The following HS6ST2 variants were observed in gnomAD, a reference collection of about 807,000 sequenced individuals.
HS6ST2 encodes the protein heparan-sulfate 6-O-sulfotransferase 2.
Under a neutral mutation model 33.0 loss-of-function variants are expected in HS6ST2, and 17 were observed. The ratio of observed to expected loss-of-function variants is 0.52; its 90% CI spans 0.35 to 0.77. HS6ST2 has a LOEUF of 0.77. Among genes scored for constraint, HS6ST2 ranks in the 30% least tolerant of loss-of-function variants. HS6ST2 has a pLI of 0.01. For missense variants in HS6ST2, 519 were observed against 551.7 expected, an observed-to-expected ratio of 0.94 and a Z score of 0.59; for synonymous variants, 248 against 237.1, an observed-to-expected ratio of 1.05 and a Z score of -0.42.
At chrX:132,686,719 T>C (rs1422012201) in intron 3 of HS6ST2, among the ~76,000 whole-genome samples, 1 of 110,864 alleles carries the variant, frequency 9.0e-6, no homozygotes, top group Non-Finnish European at 1.9e-5. Context: ...CTTCACAGAG[T>C]CATGATGCTT....
At chrX:132,891,376 T>A (rs1380618237) in intron 2 of HS6ST2, among the ~76,000 whole-genome samples, 1 of 88,531 alleles carries the variant, frequency 1.1e-5, no homozygotes, top group Non-Finnish European at 2.3e-5. Flanking sequence ...CAAAAGTTTT[T>A]TTTATTTTTT....
chrX:132,758,955 T>C (rs2064782026), intron 2 of HS6ST2, among the ~76,000 whole-genome samples: 1 of 111,534 alleles, frequency 9.0e-6, no homozygotes, highest in Non-Finnish European at 1.9e-5. Context: ...TCCACTGTAT[T>C]TGAGTGCTGA....
chrX:132,872,705 A>G (rs763331734), intron 2 of HS6ST2, among the ~76,000 whole-genome samples: 67 of 112,061 alleles, frequency 6.0e-4, no homozygotes, highest in Admixed American at 3.1e-3. Context: ...CTGACTCCTT[A>G]TCCCTTTGGG....
At chrX:132,758,493 C>T (rs1050730999) in intron 2 of HS6ST2, among the ~76,000 whole-genome samples, 1 of 112,236 alleles carries the variant, frequency 8.9e-6, no homozygotes, top group Non-Finnish European at 1.9e-5. Context: ...TCTCTACTCA[C>T]TTTTCTGGTC....
intron 4 of HS6ST2, among the ~76,000 whole-genome samples, chrX:132,637,955 T>C (rs2063574396): frequency 1.4e-5 from 1 of 69,669 alleles, no homozygotes; most frequent in Non-Finnish European, 2.6e-5. Flanking sequence ...ATATATAATA[T>C]ATATAAAATA....
At chrX:132,878,533 T>C (rs1249325912) in intron 2 of HS6ST2, among the ~76,000 whole-genome samples, 2 of 111,980 alleles carry the variant, frequency 1.8e-5, no homozygotes, top group African/African-American at 6.5e-5. Flanking sequence ...TCATGTTCAA[T>C]GTGAATTCTA....
chrX:132,825,285 G>T (rs755025654), intron 2 of HS6ST2, among the ~76,000 whole-genome samples: 20 of 111,851 alleles, frequency 1.8e-4, no homozygotes, highest in Non-Finnish European at 3.6e-4. Flanking sequence ...GGAACACTGG[G>T]TTGTAAAGAC....
intron 2 of HS6ST2, among the ~76,000 whole-genome samples, chrX:132,776,146 A>G (rs1271696942): frequency 8.9e-6 from 1 of 112,085 alleles, no homozygotes; most frequent in Non-Finnish European, 1.9e-5. Flanking sequence ...ATACATTGCC[A>G]TATTATTGGA....
chrX:132,772,142 C>T (rs1354527282), intron 2 of HS6ST2, among the ~76,000 whole-genome samples: 1 of 111,581 alleles, frequency 9.0e-6, no homozygotes. Context: ...ATTACAGATG[C>T]ATAAAATTCA....
intron 2 of HS6ST2, among the ~76,000 whole-genome samples, chrX:132,909,038 T>C (rs1356512932): frequency 9.5e-6 from 1 of 105,429 alleles, no homozygotes; most frequent in Admixed American, 1.0e-4. Flanking sequence ...AAGCCCAGGT[T>C]TGGGATTAGG....
intron 2 of HS6ST2, among the ~76,000 whole-genome samples, chrX:132,819,757 G>A (rs750267615): frequency 8.9e-6 from 1 of 111,993 alleles, no homozygotes; most frequent in African/African-American, 3.2e-5. Flanking sequence ...TGACAAAAAA[G>A]TGAACTTGCA....
Position 132,678,075 on chromosome X carries a change from T to C in HS6ST2, c.981-8876A>G, listed in dbSNP as rs546702120. On this transcript the variant is annotated intron_variant, in intron 3 of 4. Coordinates refer to ENST00000370833, the MANE Select transcript of HS6ST2 (RefSeq NM_001394073.1). ...TCTATACCTAAAAGTGCATCTGGGCTAGGTGTGGTGGCTCATGTTTGTAAT... is the reference window on the plus strand; with the variant it reads ...TCTATACCTAAAAGTGCATCTGGGCCAGGTGTGGTGGCTCATGTTTGTAAT... Among the ~76,000 whole-genome samples the C allele has an allele frequency of 4.5e-5, 5 of 112,051 alleles. No individual in the cohort carries two copies. The East Asian group carries it at 1.1e-3, about 25-fold the overall frequency.
chrX:132,767,884 A>G (rs762831172), intron 2 of HS6ST2, among the ~76,000 whole-genome samples: 1 of 111,669 alleles, frequency 9.0e-6, no homozygotes, highest in Non-Finnish European at 1.9e-5. Flanking sequence ...ATAATTCCTA[A>G]GCAGGAGGGC....
chrX:132,695,342 A>G (rs984577907), intron 3 of HS6ST2, among the ~76,000 whole-genome samples: 1 of 111,979 alleles, frequency 8.9e-6, no homozygotes, highest in Admixed American at 9.5e-5. Flanking sequence ...ATCTTTCTCT[A>G]AGGAAACACA....
chrX:132,725,248 A>G (rs1018815819), intron 2 of HS6ST2, among the ~76,000 whole-genome samples: 1 of 111,542 alleles, frequency 9.0e-6, no homozygotes, highest in Non-Finnish European at 1.9e-5. Context: ...AAGTGAAGGG[A>G]AAATATTTTT....
intron 4 of HS6ST2, among the ~76,000 whole-genome samples, chrX:132,645,351 G>T (rs1402138548): frequency 1.8e-5 from 2 of 112,652 alleles, no homozygotes; most frequent in African/African-American, 6.5e-5. Context: ...GGTAAAGCCT[G>T]CTTCAATAGT....
chrX:132,916,762 T>A (rs999303936), intron 2 of HS6ST2, among the ~76,000 whole-genome samples: 5 of 111,991 alleles, frequency 4.5e-5, no homozygotes, highest in African/African-American at 1.3e-4. Flanking sequence ...CTCTCAGGCC[T>A]TCAGCCACAG....
chrX:132,921,902 C>T (rs1397779053), intron 2 of HS6ST2, among the ~76,000 whole-genome samples: 1 of 111,736 alleles, frequency 8.9e-6, no homozygotes, highest in Non-Finnish European at 1.9e-5. Flanking sequence ...AATCGGGACC[C>T]CTGGGCTTCT....
In HS6ST2 at chrX:132,732,845, T is replaced by C. The variant is rs376657212; in HGVS notation, c.948-24351A>G. On this transcript the variant is annotated intron_variant, in intron 2 of 4. Transcript: ENST00000370833. ...CATTATGCTACCAAGGATCAAACCA[T>C]TGGGAGGGCTTTGAACTATTCCTCT... is the stretch of plus-strand genomic sequence containing the variant. Among the ~76,000 whole-genome samples, 3 of 111,816 alleles carry C rather than the reference T, an allele frequency of 2.7e-5. No homozygotes were observed. The East Asian group carries it at 8.4e-4, about 31-fold the overall frequency.
Sources: gnomAD v4.1 joint callset for allele counts (sites outside exome capture counted in the v4.1 genomes callset) on GRCh38, gnomAD v4.1.1 for gene constraint, MANE v1.5 for transcripts, NCBI Gene and HGNC (gene_info 2026-07-23, HGNC 2026-07-21) for gene names.